PBX1: variants seen among roughly 807,000 people sequenced by gnomAD.
PBX1 encodes the protein PBX homeobox 1.
In PBX1, 6 loss-of-function variants were observed where a neutral mutation model predicts 53.4. That is an observed-to-expected ratio of 0.11 (90% CI 0.06 to 0.22). The LOEUF (loss-of-function observed/expected upper bound fraction) is 0.22, where lower values mean the gene tolerates loss of function less well. PBX1 is among the 10% of genes least tolerant of loss of function. The pLI, the probability that PBX1 is intolerant of heterozygous loss-of-function variation, is 1.00. For missense variants in PBX1, 251 were observed against 551.4 expected, an observed-to-expected ratio of 0.46 and a Z score of 5.46; for synonymous variants, 204 against 212.3, an observed-to-expected ratio of 0.96 and a Z score of 0.34.
At chr1:164,647,485 C>T (rs1004022823) in intron 2 of PBX1, among the ~76,000 whole-genome samples, 2 of 152,108 alleles carry the variant, frequency 1.3e-5, no homozygotes, top group African/African-American at 2.4e-5. Flanking sequence ...TCCATGAAAT[C>T]GAGGTGACCT....
At chr1:164,840,032 C>G (rs942540819) in intron 8 of PBX1, among the ~76,000 whole-genome samples, 1 of 152,034 alleles carries the variant, frequency 6.6e-6, no homozygotes, top group Non-Finnish European at 1.5e-5. Flanking sequence ...AGTTGGTGAG[C>G]TGAGGTTCCA....
Position 164,847,319 on chromosome 1 carries a change from G to T in PBX1, c.*643G>T, listed in dbSNP as rs890769206. The T allele has an allele frequency of 2.4e-5, 26 of 1,065,002 alleles. 1 individual carries two copies. In the South Asian group the frequency reaches 1.1e-3, roughly 47 times the overall value. 66.0% of individuals were successfully genotyped at this position (1,065,002 alleles called of 1,614,324 possible). A position where few individuals can be genotyped will look rare whatever the true frequency, so the allele number is the denominator to read the frequency against. On this transcript the variant is annotated 3_prime_UTR_variant, in exon 9 of 9. Transcript: ENST00000420696. ...ATTCACTGGGGACTGTCATAGCTGG[G>T]ATTCTAAAGGTGCCACATTTTTCAG...
intron 2 of PBX1, among the ~76,000 whole-genome samples, chr1:164,735,619 G>C (rs1209803935): frequency 6.6e-6 from 1 of 152,222 alleles, no homozygotes; most frequent in African/African-American, 2.4e-5. Context: ...AATAAGGGCA[G>C]AGCGGGAGAG....
intron 2 of PBX1, among the ~76,000 whole-genome samples, chr1:164,722,102 C>G (rs867887132): frequency 6.6e-6 from 1 of 152,222 alleles, no homozygotes; most frequent in African/African-American, 2.4e-5. Flanking sequence ...CCCTGTCTGT[C>G]TATGCCTGGC....
At chr1:164,819,418 G>C (rs888274708) in intron 6 of PBX1, 4 of 152,182 alleles carry the variant, frequency 2.6e-5, no homozygotes, top group African/African-American at 9.7e-5. Flanking sequence ...ACAGGTGGCA[G>C]AGAAGGGTAG....
At chr1:164,836,225 C>T (rs542275386) in intron 8 of PBX1, among the ~76,000 whole-genome samples, 1 of 152,252 alleles carries the variant, frequency 6.6e-6, no homozygotes, top group Non-Finnish European at 1.5e-5. Flanking sequence ...ATAACACATT[C>T]TTCTCAGTTG....
At chr1:164,568,499 C>G (rs779095653) in intron 2 of PBX1, among the ~76,000 whole-genome samples, 3 of 152,214 alleles carry the variant, frequency 2.0e-5, no homozygotes, top group Admixed American at 6.5e-5. Flanking sequence ...TTCCATTGCC[C>G]TTTACCTGCA....
intron 4 of PBX1, among the ~76,000 whole-genome samples, chr1:164,803,035 A>G (rs1669161150): frequency 6.6e-6 from 1 of 152,216 alleles, no homozygotes; most frequent in African/African-American, 2.4e-5. Context: ...AGGGGATTAC[A>G]TAAAGTATAT....
At chr1:164,750,145 G>GGTGTGTGT (rs10665357) in intron 2 of PBX1, among the ~76,000 whole-genome samples, 2,906 of 140,790 alleles carry the variant, frequency 0.021, 72 homozygotes, top group African/African-American at 0.058. Flanking sequence ...GGGGCTAGTT[G>GGTGTGTGT]GTGTGTGTGT....
intron 2 of PBX1, among the ~76,000 whole-genome samples, chr1:164,739,066 G>T (rs1272711864): frequency 2.6e-5 from 4 of 152,072 alleles, no homozygotes; most frequent in Non-Finnish European, 5.9e-5. Context: ...TAGTTACTGG[G>T]CTCCATGTAC....
Position 164,815,285 on chromosome 1 carries a change from A to C in PBX1, c.997+3136A>C, listed in dbSNP as rs369901215. 3 of 152,380 alleles carry C rather than the reference A, an allele frequency of 2.0e-5. No homozygotes were observed. The East Asian group carries it at 5.8e-4, about 29-fold the overall frequency. The allele number at this position is 152,380 out of a possible 1,614,324, so 9.4% of individuals were successfully genotyped here. On this transcript the variant is annotated intron_variant, in intron 6 of 8. Coordinates refer to ENST00000420696, the MANE Select transcript of PBX1 (RefSeq NM_002585.4). ...GTGCATTACAGATGTTCACTGTGGC[A>C]TGCCATCAGCGTTGAAATTATATCA... is the stretch of plus-strand genomic sequence containing the variant.
chr1:164,873,709 A>G (rs1343929156), intron 2 of PBX1, among the ~76,000 whole-genome samples: 1 of 152,188 alleles, frequency 6.6e-6, no homozygotes, highest in Non-Finnish European at 1.5e-5. Flanking sequence ...CAACCACCGC[A>G]CATGTCTTTT....
chr1:164,685,761 C>G (rs1662058265), intron 2 of PBX1, among the ~76,000 whole-genome samples: 1 of 152,218 alleles, frequency 6.6e-6, no homozygotes, highest in South Asian at 2.1e-4. Context: ...ATTCCAAAGT[C>G]ACACAGCTAG....
intron 2 of PBX1, chr1:164,590,262 C>T: frequency 2.3e-6 from 1 of 443,188 alleles, no homozygotes; most frequent in Non-Finnish European, 4.5e-6. Context: ...AATACCTTGG[C>T]CAGCGCAACT....
At chr1:164,567,169 T>C (rs1653491666) in intron 2 of PBX1, among the ~76,000 whole-genome samples, 1 of 152,194 alleles carries the variant, frequency 6.6e-6, no homozygotes, top group South Asian at 2.1e-4. Context: ...AATTTGTGTG[T>C]CTATGTATAT....
In PBX1 at chr1:164,846,751, A is replaced by T; in HGVS notation, c.*75A>T. On this transcript the variant is annotated 3_prime_UTR_variant, in exon 9 of 9. Transcript: ENST00000420696. ...GGCAGGAGGGAGGGTTTCTCTCCCA[A>T]CGCTGAAGCGGTCAGACTGGAGGTC... is the stretch of plus-strand genomic sequence containing the variant. 1 of 1,611,550 alleles carries T rather than the reference A, an allele frequency of 6.2e-7. No individual in the cohort carries two copies. The highest frequency in any genetic ancestry group is 8.5e-7 in the Non-Finnish European group (1 of 1,178,990).
chr1:164,810,104 C>T (rs1383970832), intron 5 of PBX1, among the ~76,000 whole-genome samples: 1 of 152,148 alleles, frequency 6.6e-6, no homozygotes, highest in East Asian at 1.9e-4. Context: ...CCCTGCAGCA[C>T]CAAACTCATA....
At chr1:164,629,264 T>G (rs954636404) in intron 2 of PBX1, among the ~76,000 whole-genome samples, 1 of 152,192 alleles carries the variant, frequency 6.6e-6, no homozygotes, top group Non-Finnish European at 1.5e-5. Context: ...CATTTTGAGT[T>G]AAATATGGAG....
At chr1:164,719,861 A>C (rs1664307661) in intron 2 of PBX1, among the ~76,000 whole-genome samples, 1 of 152,118 alleles carries the variant, frequency 6.6e-6, no homozygotes, top group African/African-American at 2.4e-5. Flanking sequence ...AGGTGATCAG[A>C]GCAATGTGGA....
Sources: allele counts gnomAD v4.1 joint callset (sites outside exome capture counted in the v4.1 genomes callset), GRCh38; gene constraint gnomAD v4.1.1; transcripts MANE v1.5; gene names NCBI Gene and HGNC (gene_info 2026-07-23, HGNC 2026-07-21).